HDAC8: variants seen among roughly 807,000 people sequenced by gnomAD.
The protein encoded by HDAC8 is histone deacetylase 8.
Under a neutral mutation model 32.2 loss-of-function variants are expected in HDAC8, and 1 was observed. That is an observed-to-expected ratio of 0.03 (90% confidence interval 0.01 to 0.15). The LOEUF (loss-of-function observed/expected upper bound fraction) is 0.15. Among genes scored for constraint, HDAC8 ranks in the 10% least tolerant of loss-of-function variants. The probability of loss-of-function intolerance (pLI) is 1.00; values close to 1 mark genes in which losing one functional copy is unlikely to be tolerated. For synonymous variants in HDAC8, 108 were observed against 113.9 expected (o/e 0.95, Z 0.33); for missense variants, 117 against 300.0 (o/e 0.39, Z 4.51).
At chrX:72,532,005 T>C (rs1318685815) in intron 4 of HDAC8, among the ~76,000 whole-genome samples, 2 of 112,120 alleles carry the variant, frequency 1.8e-5, no homozygotes, top group South Asian at 3.7e-4. Flanking sequence ...GGAGTAGAAG[T>C]TCTGGGTCAT....
At chrX:72,416,408 G>GTTTTTTTTTTTTTTT in intron 9 of HDAC8, among the ~76,000 whole-genome samples, 49 of 3,692 alleles carry the variant, frequency 0.013, 21 homozygotes, top group Non-Finnish European at 0.03. Flanking sequence ...TGTCTTCTCT[G>GTTTTTTTTTTTTTTT]TTTTTTTTTT....
intron 9 of HDAC8, among the ~76,000 whole-genome samples, chrX:72,439,753 C>G (rs1332577046): frequency 9.1e-6 from 1 of 110,140 alleles, no homozygotes; most frequent in Admixed American, 9.7e-5. Flanking sequence ...GTAAAGGGAT[C>G]AATGCAAAAA....
At position 72,332,607 on chromosome X, in the gene HDAC8, G is replaced by GTTT. The variant is rs782403645; in HGVS notation, c.1112-2534_1112-2532dup. 8.9e-3 allele frequency among the ~76,000 whole-genome samples: 805 copies of GTTT among 90,608 alleles called. 16 individuals carry two copies. Among genetic ancestry groups the GTTT allele is most frequent in the African/African-American group, 0.03 (759 of 25,187 alleles). The allele number at this position is 90,608 out of a possible 115,157, so 78.7% of individuals were successfully genotyped here. A position where few individuals can be genotyped will look rare whatever the true frequency, so the allele number is the denominator to read the frequency against. ...CTTGTCTTTTGCCTACTTCCTAATTGTTTTTTTTTTTTTCTGTTGAGTTTG... is the reference window on the plus strand; with the variant it reads ...CTTGTCTTTTGCCTACTTCCTAATTGTTTTTTTTTTTTTTTTCTGTTGAGTTTG... On this transcript the variant is annotated intron_variant, in intron 10 of 10. Coordinates refer to ENST00000373573, the MANE Select transcript of HDAC8 (RefSeq NM_018486.3).
At chrX:72,373,629 T>C (rs2147802844) in intron 9 of HDAC8, among the ~76,000 whole-genome samples, 1 of 112,607 alleles carries the variant, frequency 8.9e-6, no homozygotes, top group South Asian at 3.7e-4. Flanking sequence ...TTTGGGTTGA[T>C]TCCAAGTTTT....
At chrX:72,420,574 A>G (rs782438189) in intron 9 of HDAC8, among the ~76,000 whole-genome samples, 3 of 112,093 alleles carry the variant, frequency 2.7e-5, no homozygotes, top group East Asian at 5.6e-4. Flanking sequence ...TCTCTGTACT[A>G]TTATTCTCTG....
chrX:72,551,973 C>T (rs2051085167), intron 4 of HDAC8, among the ~76,000 whole-genome samples: 1 of 112,021 alleles, frequency 8.9e-6, no homozygotes, highest in South Asian at 3.7e-4. Context: ...AAAGCAAATT[C>T]CTATTCCTTC....
At chrX:72,471,624 T>A (rs2048178996) in intron 7 of HDAC8, among the ~76,000 whole-genome samples, 1 of 112,719 alleles carries the variant, frequency 8.9e-6, no homozygotes, top group East Asian at 2.8e-4. Context: ...TATCTTTTCA[T>A]GTGCTTATTG....
intron 4 of HDAC8, among the ~76,000 whole-genome samples, chrX:72,548,784 C>T (rs1556062165): frequency 9.0e-6 from 1 of 111,456 alleles, no homozygotes. Flanking sequence ...ATCCTCCCAC[C>T]TCAGCCTCCT....
intron 4 of HDAC8, among the ~76,000 whole-genome samples, chrX:72,558,581 T>C (rs1273181771): frequency 1.8e-5 from 2 of 111,746 alleles, no homozygotes; most frequent in Admixed American, 9.5e-5. Context: ...AGGAGGGACG[T>C]ACCTTAAGGT....
intron 4 of HDAC8, among the ~76,000 whole-genome samples, chrX:72,531,806 C>A (rs892617828): frequency 8.9e-6 from 1 of 112,281 alleles, no homozygotes; most frequent in South Asian, 3.6e-4. Flanking sequence ...TATTTCATTT[C>A]TTTTTATTAT....
intron 4 of HDAC8, among the ~76,000 whole-genome samples, chrX:72,510,406 G>A (rs1285828908): frequency 1.8e-5 from 2 of 111,825 alleles, no homozygotes; most frequent in Non-Finnish European, 3.8e-5. Flanking sequence ...GAAGACAAAC[G>A]AAGGTTTGTG....
At chrX:72,435,505 G>A (rs782230299) in intron 9 of HDAC8, among the ~76,000 whole-genome samples, 30 of 111,647 alleles carry the variant, frequency 2.7e-4, no homozygotes, top group Admixed American at 1.5e-3. Flanking sequence ...GTTTCAATGA[G>A]CAATTATAAG....
intron 9 of HDAC8, among the ~76,000 whole-genome samples, chrX:72,431,882 A>G (rs1184967773): frequency 8.9e-6 from 1 of 112,370 alleles, no homozygotes; most frequent in Non-Finnish European, 1.9e-5. Flanking sequence ...TATTACAAGT[A>G]TATTTAATCC....
At chrX:72,364,656 T>C (rs782707180) in intron 9 of HDAC8, among the ~76,000 whole-genome samples, 1 of 111,584 alleles carries the variant, frequency 9.0e-6, no homozygotes, top group Non-Finnish European at 1.9e-5. Flanking sequence ...TTTAGAGGCA[T>C]TGAATTTTGT....
intron 9 of HDAC8, among the ~76,000 whole-genome samples, chrX:72,357,146 G>T (rs2044393759): frequency 9.2e-6 from 1 of 108,877 alleles, no homozygotes; most frequent in African/African-American, 3.4e-5. Flanking sequence ...AAGGAAGAGG[G>T]GAATGGCAAG....
chrX:72,558,973 C>T (rs2051381853), intron 4 of HDAC8, among the ~76,000 whole-genome samples: 1 of 107,321 alleles, frequency 9.3e-6, no homozygotes, highest in African/African-American at 3.4e-5. Context: ...AAATCAAGAA[C>T]TCAACCCCTT....
intron 7 of HDAC8, among the ~76,000 whole-genome samples, chrX:72,475,998 TC>T (rs1238788585): frequency 9.0e-6 from 1 of 111,377 alleles, no homozygotes; most frequent in Non-Finnish European, 1.9e-5. Flanking sequence ...AGTAGGTAAT[TC>T]TACTCATCAA....
intron 4 of HDAC8, among the ~76,000 whole-genome samples, chrX:72,517,903 C>T (rs1217472202): frequency 9.0e-6 from 1 of 111,275 alleles, no homozygotes; most frequent in African/African-American, 3.3e-5. Context: ...TTAGGATCAG[C>T]CTGTCAATTT....
intron 4 of HDAC8, among the ~76,000 whole-genome samples, chrX:72,548,952 T>G (rs2050965687): frequency 8.9e-6 from 1 of 112,010 alleles, no homozygotes; most frequent in Non-Finnish European, 1.9e-5. Context: ...TTTTCCTAAT[T>G]GACCCCCCCA....
Sources: allele counts gnomAD v4.1 joint callset (sites outside exome capture counted in the v4.1 genomes callset), GRCh38; gene constraint gnomAD v4.1.1; transcripts MANE v1.5; gene names NCBI Gene and HGNC (gene_info 2026-07-23, HGNC 2026-07-21).